The following TYR variants were observed in gnomAD, a reference collection of about 807,000 sequenced individuals.
TYR encodes LB24-AB.
In TYR, 58 loss-of-function variants were observed where a neutral mutation model predicts 51.5. The ratio of observed to expected loss-of-function variants is 1.13; its 90% confidence interval spans 0.91 to 1.40. TYR has a LOEUF of 1.40. Among genes scored for constraint, TYR ranks in the 40% most tolerant of loss-of-function variants. TYR has a pLI of 0.00. For synonymous variants in TYR, 263 were observed against 235.2 expected, an observed-to-expected ratio of 1.12 and a Z score of -1.08; for missense variants, 732 against 647.4, an observed-to-expected ratio of 1.13 and a Z score of -1.42.
chr11:89,241,802 T>A (rs1944198720), intron 3 of TYR, among the ~76,000 whole-genome samples: 1 of 148,100 alleles, frequency 6.8e-6, no homozygotes, highest in Non-Finnish European at 1.5e-5. Flanking sequence ...ACATTTTATA[T>A]ACTATATAAT....
intron 4 of TYR, 40 bp downstream of exon 4, chr11:89,284,994 T>G (rs1420305606): frequency 1.3e-6 from 2 of 1,549,726 alleles, no homozygotes; most frequent in Non-Finnish European, 1.8e-6. Context: ...CTGAATCTAG[T>G]GTTACCAATT....
At chr11:89,282,820 A>C (rs1375719361) in intron 3 of TYR, among the ~76,000 whole-genome samples, 4 of 151,796 alleles carry the variant, frequency 2.6e-5, no homozygotes, top group Admixed American at 6.6e-5. Context: ...TGGCATTTCT[A>C]AAACAGCATA....
At chr11:89,262,870 A>AAC (rs1555096303) in intron 3 of TYR, among the ~76,000 whole-genome samples, 2 of 140,644 alleles carry the variant, frequency 1.4e-5, no homozygotes, top group African/African-American at 5.6e-5. Context: ...AAAAAAAAAA[A>AAC]AACAACAACA....
intron 1 of TYR, among the ~76,000 whole-genome samples, chr11:89,182,320 C>T (rs1943310685): frequency 6.6e-6 from 1 of 152,180 alleles, no homozygotes; most frequent in African/African-American, 2.4e-5. Flanking sequence ...TTAAACTCTG[C>T]ATGGGTAGAT....
chr11:89,261,889 T>C (rs1029409329), intron 3 of TYR, among the ~76,000 whole-genome samples: 1 of 151,764 alleles, frequency 6.6e-6, no homozygotes, highest in African/African-American at 2.4e-5. Flanking sequence ...AAACTAATAA[T>C]AAAAAGGAAT....
chr11:89,191,317 T>A lies in TYR; in HGVS notation c.935T>A (p.Leu312His). 6.2e-7 allele frequency: 1 copy of A among 1,613,680 alleles called. No individual in the cohort carries two copies. Among genetic ancestry groups the A allele is most frequent in the South Asian group, 1.1e-5 (1 of 91,074 alleles). The change falls in exon 2 of 5, where the codon CTC (leucine) becomes CAC (histidine). Residue 312 changes from leucine to histidine, a missense_variant. Physicochemically the swap from Leu to His is moderately conservative, Grantham distance 99 (BLOSUM62 -3). Coordinates refer to ENST00000263321, the MANE Select transcript of TYR (RefSeq NM_000372.5). ...GNHDKSRTPR[L>H]PSSADVEFCL... is the part of the protein sequence containing the mutation. ...CATGACAAATCCAGAACCCCAAGGC[T>A]CCCCTCTTCAGCTGATGTAGAATTT... is the stretch of plus-strand genomic sequence containing the variant.
intron 1 of TYR, among the ~76,000 whole-genome samples, chr11:89,190,179 C>T (rs946689263): frequency 6.6e-6 from 1 of 152,048 alleles, no homozygotes; most frequent in Non-Finnish European, 1.5e-5. Flanking sequence ...GTACTTCTTC[C>T]ACTTATAAAA....
chr11:89,197,133 G>A (rs1943530044), intron 2 of TYR, among the ~76,000 whole-genome samples: 1 of 152,130 alleles, frequency 6.6e-6, no homozygotes, highest in African/African-American at 2.4e-5. Context: ...TCCAGCAGAG[G>A]GAACAACATA....
At chr11:89,285,513 G>A (rs941405044) in intron 4 of TYR, among the ~76,000 whole-genome samples, 6 of 151,650 alleles carry the variant, frequency 4.0e-5, no homozygotes, top group South Asian at 2.1e-4. Context: ...CTATGATGAC[G>A]ATAGTAATAT....
intron 4 of TYR, among the ~76,000 whole-genome samples, chr11:89,288,020 C>T (rs1279432656): frequency 6.6e-6 from 1 of 151,878 alleles, no homozygotes; most frequent in Non-Finnish European, 1.5e-5. Flanking sequence ...GTATAATTCA[C>T]TCATATAATA....
At chr11:89,180,277 A>G (rs1943284156) in intron 1 of TYR, among the ~76,000 whole-genome samples, 2 of 152,302 alleles carry the variant, frequency 1.3e-5, no homozygotes, top group East Asian at 3.9e-4. Context: ...AGGATTGGAC[A>G]TGGGATTTTC....
At chr11:89,281,311 G>A (rs1944719595) in intron 3 of TYR, among the ~76,000 whole-genome samples, 1 of 151,656 alleles carries the variant, frequency 6.6e-6, no homozygotes, top group African/African-American at 2.4e-5. Context: ...GGATCATAGG[G>A]CTTTGATATG....
At chr11:89,211,020 A>G (rs953480531) in intron 2 of TYR, among the ~76,000 whole-genome samples, 1 of 152,200 alleles carries the variant, frequency 6.6e-6, no homozygotes, top group Non-Finnish European at 1.5e-5. Context: ...ACCAAATTGT[A>G]AAGACCATCA....
chr11:89,281,414 C>A (rs547043348), intron 3 of TYR, among the ~76,000 whole-genome samples: 3 of 151,804 alleles, frequency 2.0e-5, no homozygotes, highest in Admixed American at 6.6e-5. Context: ...ACCATAAAAA[C>A]CTGGTGGAGT....
At chr11:89,287,490 A>G (rs1944804058) in intron 4 of TYR, among the ~76,000 whole-genome samples, 1 of 151,916 alleles carries the variant, frequency 6.6e-6, no homozygotes, top group African/African-American at 2.4e-5. Context: ...ATGGTAAACA[A>G]CATAGTCTCT....
intron 3 of TYR, among the ~76,000 whole-genome samples, chr11:89,279,510 T>G (rs544571196): frequency 1.3e-5 from 2 of 151,688 alleles, no homozygotes; most frequent in South Asian, 4.1e-4. Flanking sequence ...ACACTGGCCA[T>G]AAGCATAAAA....
At chr11:89,258,628 A>T (rs1370831416) in intron 3 of TYR, among the ~76,000 whole-genome samples, 1 of 152,154 alleles carries the variant, frequency 6.6e-6, no homozygotes, top group Non-Finnish European at 1.5e-5. Context: ...ATGAAGAAAC[A>T]GATATGATAA....
At chr11:89,244,726 G>GA (rs1247886799) in intron 3 of TYR, among the ~76,000 whole-genome samples, 4 of 151,808 alleles carry the variant, frequency 2.6e-5, no homozygotes, top group East Asian at 1.9e-4. Flanking sequence ...GGCTTATACA[G>GA]AAAAAAAACA....
chr11:89,207,799 T>C (rs1208989060), intron 2 of TYR, among the ~76,000 whole-genome samples: 1 of 152,214 alleles, frequency 6.6e-6, no homozygotes, highest in Admixed American at 6.5e-5. Flanking sequence ...ACTGCTTCAA[T>C]ATGTAAATAT....
Sources: allele counts gnomAD v4.1 joint callset (sites outside exome capture counted in the v4.1 genomes callset), GRCh38; gene constraint gnomAD v4.1.1; transcripts MANE v1.5; gene names NCBI Gene and HGNC (gene_info 2026-07-23, HGNC 2026-07-21).